The following SASH1 variants were observed in gnomAD, a reference collection of about 807,000 sequenced individuals.
SASH1 encodes the protein SAM and SH3 domain containing 1.
In SASH1, 44 loss-of-function variants were observed where a neutral mutation model predicts 125.2. The ratio of observed to expected loss-of-function variants is 0.35; its 90% confidence interval spans 0.28 to 0.45. The LOEUF (loss-of-function observed/expected upper bound fraction) is 0.45, where lower values mean the gene tolerates loss of function less well. Among genes scored for constraint, SASH1 ranks in the 20% least tolerant of loss-of-function variants. The pLI is 1.00. For missense variants in SASH1, 1,426 were observed against 1,614.5 expected (o/e 0.88, Z 2.00); for synonymous variants, 639 against 649.1 (o/e 0.98, Z 0.24).
chr6:148,373,423 C>T lies in SASH1; in HGVS notation c.157-16711C>T, dbSNP rs141734451. ...AGCAAGGTGGCCAGTGTGGCTGGGG[C>T]AGTGAGGCTGGGAGAGGCACACATT... On this transcript the variant is annotated intron_variant, in intron 1 of 19. Coordinates refer to ENST00000367467, the MANE Select transcript of SASH1 (RefSeq NM_015278.5). 4.0e-3 allele frequency among the ~76,000 whole-genome samples: 615 copies of T among 151,944 alleles called. 2 individuals carry two copies. Among genetic ancestry groups the T allele is most frequent in the Non-Finnish European group, 6.6e-3 (447 of 67,976 alleles).
the SASH1 span, among the ~76,000 whole-genome samples, chr6:148,238,441 C>T: frequency 1.3e-5 from 2 of 152,120 alleles, no homozygotes; most frequent in African/African-American, 4.8e-5. Flanking sequence ...CCATGCTGGT[C>T]TCAAACTCCT....
At chr6:148,423,872 G>A (rs181425765) in intron 2 of SASH1, among the ~76,000 whole-genome samples, 1 of 152,188 alleles carries the variant, frequency 6.6e-6, no homozygotes, top group Non-Finnish European at 1.5e-5. Flanking sequence ...GCTAGAACTT[G>A]CAGTTCCTTC....
At chr6:148,361,940 GTC>G (rs1583023150) in intron 1 of SASH1, among the ~76,000 whole-genome samples, 1 of 125,156 alleles carries the variant, frequency 8.0e-6, no homozygotes, top group East Asian at 2.3e-4. Context: ...TTGAGACAGA[GTC>G]TCACTCTGTC....
chr6:148,461,306 T>A (rs747984203), intron 4 of SASH1, among the ~76,000 whole-genome samples: 1 of 152,134 alleles, frequency 6.6e-6, no homozygotes, highest in Non-Finnish European at 1.5e-5. Context: ...AAGGTGACCC[T>A]GTAACAAAAA....
chr6:148,335,585 C>T (rs1050931281), intron 1 of SASH1, among the ~76,000 whole-genome samples: 3 of 151,586 alleles, frequency 2.0e-5, no homozygotes, highest in Non-Finnish European at 2.9e-5. Context: ...TGGATATATC[C>T]GAAAACTGAA....
chr6:148,539,080 C>T (rs938580681), intron 16 of SASH1, among the ~76,000 whole-genome samples: 4 of 149,222 alleles, frequency 2.7e-5, no homozygotes, highest in African/African-American at 9.9e-5. Context: ...TCAACAGAAG[C>T]GTCCGATGCT....
chr6:148,327,242 C>CGAAT (rs552385857), intron 1 of SASH1, among the ~76,000 whole-genome samples: 5,725 of 151,250 alleles, frequency 0.038, 147 homozygotes, highest in South Asian at 0.076. Context: ...AACGAACGGA[C>CGAAT]GAATGAATGA....
upstream of SASH1, among the ~76,000 whole-genome samples, chr6:148,267,620 T>C (rs9390552): frequency 0.78 from 119,140 of 151,988 alleles, 47,074 homozygotes; most frequent in African/African-American, 0.88. Context: ...CCTCATGATC[T>C]GCCTGTCTAG....
chr6:148,465,533 ACT>A (rs779582710), intron 4 of SASH1, among the ~76,000 whole-genome samples: 6 of 142,670 alleles, frequency 4.2e-5, no homozygotes, highest in Non-Finnish European at 7.5e-5. Flanking sequence ...GCAGAGTGAG[ACT>A]CTGTCTCCAG....
At chr6:148,464,872 G>A (rs931933121) in intron 4 of SASH1, among the ~76,000 whole-genome samples, 1 of 152,068 alleles carries the variant, frequency 6.6e-6, no homozygotes, top group Non-Finnish European at 1.5e-5. Context: ...GTGAACTTGT[G>A]AAATTTTAAA....
chr6:148,475,022 T>A (rs1180984396), intron 7 of SASH1, among the ~76,000 whole-genome samples: 4 of 152,234 alleles, frequency 2.6e-5, no homozygotes, highest in African/African-American at 9.6e-5. Context: ...AGTTAGGCAC[T>A]ACAAGAAGCC....
chr6:148,455,801 G>A (rs1459863530), intron 4 of SASH1, among the ~76,000 whole-genome samples: 3 of 152,212 alleles, frequency 2.0e-5, no homozygotes, highest in Non-Finnish European at 4.4e-5. Context: ...GCTGCCCGTT[G>A]GGAGAAGTAG....
At chr6:148,257,470 T>C in the SASH1 span, among the ~76,000 whole-genome samples, 2 of 152,362 alleles carry the variant, frequency 1.3e-5, no homozygotes, top group East Asian at 3.9e-4. Flanking sequence ...CATGTGTTCC[T>C]GACTTCCGTC....
intron 7 of SASH1, among the ~76,000 whole-genome samples, chr6:148,476,935 A>G (rs1778389191): frequency 6.6e-6 from 1 of 152,220 alleles, no homozygotes; most frequent in South Asian, 2.1e-4. Flanking sequence ...ACTCACTTTC[A>G]ACAAAGGTGC....
At chr6:148,248,602 C>T in the SASH1 span, among the ~76,000 whole-genome samples, 117 of 152,302 alleles carry the variant, frequency 7.7e-4, no homozygotes, top group African/African-American at 2.5e-3. Context: ...TAATTTTCCA[C>T]AAATTTCCCA....
At chr6:148,194,645 T>C in the SASH1 span, among the ~76,000 whole-genome samples, 21 of 152,256 alleles carry the variant, frequency 1.4e-4, 1 homozygote, top group South Asian at 4.2e-4. Flanking sequence ...CGGTGGCTCG[T>C]GCCTGTAATC....
intron 2 of SASH1, among the ~76,000 whole-genome samples, chr6:148,404,983 G>A (rs568839610): frequency 1.3e-5 from 2 of 151,864 alleles, no homozygotes; most frequent in South Asian, 2.1e-4. Context: ...TGTTGGAAGC[G>A]GAGTGGAACC....
At chr6:148,244,645 T>C in the SASH1 span, among the ~76,000 whole-genome samples, 1 of 152,096 alleles carries the variant, frequency 6.6e-6, no homozygotes, top group Admixed American at 6.5e-5. Flanking sequence ...TGCAGCAGTT[T>C]GGAGAAGAAG....
chr6:148,326,321 T>A, intron 1 of SASH1, among the ~76,000 whole-genome samples: 2 of 74,730 alleles, frequency 2.7e-5, no homozygotes, highest in South Asian at 5.8e-4. Context: ...AGCCACCGCA[T>A]GCATATATAT....
Sources: gnomAD v4.1 joint callset for allele counts (sites outside exome capture counted in the v4.1 genomes callset) on GRCh38, gnomAD v4.1.1 for gene constraint, MANE v1.5 for transcripts, NCBI Gene and HGNC (gene_info 2026-07-23, HGNC 2026-07-21) for gene names.